The following UNC5D variants were observed in gnomAD, a reference collection of about 807,000 sequenced individuals.
UNC5D encodes the protein netrin receptor UNC5D.
A neutral mutation model predicts 105.4 loss-of-function variants in UNC5D; 39 were observed. The observed-to-expected ratio is 0.37, with a 90% CI of 0.29 to 0.48. UNC5D has a LOEUF of 0.48. Ranked by LOEUF, UNC5D falls within the 20% of genes least tolerant of loss-of-function variation. UNC5D has a pLI of 0.98. For missense variants in UNC5D, 991 were observed against 1,202.4 expected (o/e 0.82, Z 2.60); for synonymous variants, 452 against 450.4 (o/e 1.00, Z -0.04).
chr8:35,589,708 G>A (rs2130877376), intron 3 of UNC5D, among the ~76,000 whole-genome samples: 1 of 152,146 alleles, frequency 6.6e-6, no homozygotes, highest in South Asian at 2.1e-4. Flanking sequence ...CTGTCTCTAT[G>A]GATTTACCTC....
chr8:35,740,749 A>AGAG (rs1162665542), intron 11 of UNC5D, among the ~76,000 whole-genome samples: 2 of 152,164 alleles, frequency 1.3e-5, no homozygotes, highest in Non-Finnish European at 2.9e-5. Context: ...CATGAGTAAC[A>AGAG]GAGTAGTAGA....
At chr8:35,243,846 T>G (rs1455069547) in intron 1 of UNC5D, among the ~76,000 whole-genome samples, 1 of 152,196 alleles carries the variant, frequency 6.6e-6, no homozygotes, top group Non-Finnish European at 1.5e-5. Flanking sequence ...TTGAATAATG[T>G]GTGTTACTCG....
At chr8:35,474,597 A>C (rs1265107607) in intron 1 of UNC5D, among the ~76,000 whole-genome samples, 1 of 152,174 alleles carries the variant, frequency 6.6e-6, no homozygotes, top group Non-Finnish European at 1.5e-5. Context: ...ATAAGGGTGA[A>C]GCTGTGGGGC....
intron 6 of UNC5D, among the ~76,000 whole-genome samples, chr8:35,685,831 T>TAA (rs1164998415): frequency 3.3e-5 from 5 of 152,184 alleles, no homozygotes; most frequent in African/African-American, 1.2e-4. Context: ...TACCCTATTC[T>TAA]TGATTAATTG....
At chr8:35,550,497 A>G (rs1816047320) in intron 2 of UNC5D, among the ~76,000 whole-genome samples, 2 of 152,284 alleles carry the variant, frequency 1.3e-5, no homozygotes, top group East Asian at 3.9e-4. Flanking sequence ...TAAGTCAAAA[A>G]ACATCAGTAT....
intron 1 of UNC5D, among the ~76,000 whole-genome samples, chr8:35,529,145 A>C (rs1814130542): frequency 7.1e-6 from 1 of 141,576 alleles, no homozygotes; most frequent in African/African-American, 2.8e-5. Flanking sequence ...CTGAATGGTA[A>C]TGCCTAGGTT....
intron 1 of UNC5D, among the ~76,000 whole-genome samples, chr8:35,414,357 T>C (rs1216752822): frequency 6.6e-6 from 1 of 152,154 alleles, no homozygotes; most frequent in East Asian, 1.9e-4. Context: ...CATGTAGTTA[T>C]AACACATTAT....
rs371929206 is a variant in UNC5D at position 35,354,265 on chromosome 8, T to TC, written c.103+118385dup. Among the ~76,000 whole-genome samples, 156 of 152,060 alleles carry TC rather than the reference T, an allele frequency of 1.0e-3. No homozygotes were observed. In the Middle Eastern group the frequency reaches 0.024, roughly 23 times the overall value. On this transcript the variant is annotated intron_variant, in intron 1 of 16. Transcript: ENST00000404895. The stretch of plus-strand genomic sequence containing the variant: ...TATGCCATGTTTATTCTCTTTTCTT[T>TC]CCCCCCCTCTCTTGCTTTGTTCTTT...
At chr8:35,569,205 C>T (rs1351048459) in intron 3 of UNC5D, among the ~76,000 whole-genome samples, 1 of 152,024 alleles carries the variant, frequency 6.6e-6, no homozygotes, top group Non-Finnish European at 1.5e-5. Flanking sequence ...TTTTCTCCTC[C>T]TTGCAAATGT....
intron 2 of UNC5D, among the ~76,000 whole-genome samples, chr8:35,559,803 A>G (rs1816830113): frequency 6.6e-6 from 1 of 152,224 alleles, no homozygotes; most frequent in Non-Finnish European, 1.5e-5. Context: ...TTAGTTTGAA[A>G]ATCCTCTAAC....
chr8:35,435,070 T>C (rs940335593), intron 1 of UNC5D, among the ~76,000 whole-genome samples: 2 of 152,054 alleles, frequency 1.3e-5, no homozygotes, highest in African/African-American at 2.4e-5. Flanking sequence ...GACTGTGGAG[T>C]ATGGTTTTTT....
At position 35,683,531 on chromosome 8, in the gene UNC5D, T is replaced by C; in HGVS notation, c.571-16T>C. The stretch of plus-strand genomic sequence containing the variant: ...GATTTTTTTAGTGACTTGTAAACAT[T>C]CCTTTCTTCCTGTAGGTGGAATGGC... On this transcript the variant is annotated splice_polypyrimidine_tract_variant and intron_variant, in intron 4 of 16. Transcript: ENST00000404895. 1 of 1,554,318 alleles carries C rather than the reference T, an allele frequency of 6.4e-7. No individual in the cohort carries two copies. Among genetic ancestry groups the C allele is most frequent in the Non-Finnish European group, 8.6e-7 (1 of 1,160,608 alleles).
In UNC5D at chr8:35,300,446, CAAAAAAAAAAAAAAAAAAAA is replaced by C. The variant is rs752599540; in HGVS notation, c.103+64588_103+64607del. ...TGGGCAACAGAGAGAGACTCCCTCT[CAAAAAAAAAAAAAAAAAAAA>C]AAAAAAAAAAAAAAAAAAAAAAAAA... On this transcript the variant is annotated intron_variant, in intron 1 of 16. Coordinates refer to ENST00000404895, the MANE Select transcript of UNC5D (RefSeq NM_080872.4). Among the ~76,000 whole-genome samples, 17 of 58,398 alleles carry C rather than the reference CAAAAAAAAAAAAAAAAAAAA, an allele frequency of 2.9e-4. 1 individual carries two copies. Among genetic ancestry groups the C allele is most frequent in the African/African-American group, 9.6e-4 (15 of 15,604 alleles). 38.3% of individuals were successfully genotyped at this position (58,398 alleles called of 152,430 possible). A position where few individuals can be genotyped will look rare whatever the true frequency, so the allele number is the denominator to read the frequency against.
intron 1 of UNC5D, among the ~76,000 whole-genome samples, chr8:35,500,150 C>T (rs62505509): frequency 0.014 from 2,074 of 152,266 alleles, 19 homozygotes; most frequent in Non-Finnish European, 0.019. Context: ...GTCTTTGCCT[C>T]TTGTCTTAGT....
intron 1 of UNC5D, among the ~76,000 whole-genome samples, chr8:35,420,730 T>G (rs1280563163): frequency 1.5e-5 from 2 of 129,146 alleles, no homozygotes; most frequent in African/African-American, 5.6e-5. Context: ...TAAATGGTAT[T>G]AATACCATGG....
intron 14 of UNC5D, among the ~76,000 whole-genome samples, chr8:35,762,181 G>A (rs953209512): frequency 6.6e-6 from 1 of 152,032 alleles, no homozygotes; most frequent in Non-Finnish European, 1.5e-5. Context: ...TCCCAGAAAG[G>A]TACAAGCTAG....
chr8:35,533,908 C>A (rs1018889913), intron 1 of UNC5D, among the ~76,000 whole-genome samples: 3 of 152,194 alleles, frequency 2.0e-5, no homozygotes, highest in Non-Finnish European at 4.4e-5. Context: ...CTTCGGCTTG[C>A]GCACGGTGCG....
At chr8:35,250,912 A>T (rs1803651960) in intron 1 of UNC5D, among the ~76,000 whole-genome samples, 2 of 151,990 alleles carry the variant, frequency 1.3e-5, no homozygotes, top group Non-Finnish European at 2.9e-5. Flanking sequence ...AAATGAGAAC[A>T]TGCAGTATTT....
At chr8:35,533,314 G>A (rs988010956) in intron 1 of UNC5D, among the ~76,000 whole-genome samples, 6 of 152,052 alleles carry the variant, frequency 3.9e-5, no homozygotes, top group Admixed American at 3.3e-4. Flanking sequence ...CCGTGTGAGG[G>A]GTCAGTGTGC....
Sources: allele counts gnomAD v4.1 joint callset (sites outside exome capture counted in the v4.1 genomes callset), GRCh38; gene constraint gnomAD v4.1.1; transcripts MANE v1.5; gene names NCBI Gene and HGNC (gene_info 2026-07-23, HGNC 2026-07-21).